The following L2HGDH variants were observed in gnomAD, a reference collection of about 807,000 sequenced individuals.
L2HGDH encodes L-2-hydroxyglutarate dehydrogenase, mitochondrial.
In L2HGDH, 34 loss-of-function variants were observed where a neutral mutation model predicts 51.5. That is an observed-to-expected ratio of 0.66 (90% CI 0.50 to 0.88). The LOEUF is 0.88. Ranked by LOEUF, L2HGDH falls within the 40% of genes least tolerant of loss-of-function variation. The pLI, the probability that L2HGDH is intolerant of heterozygous loss-of-function variation, is 0.00. For synonymous variants in L2HGDH, 198 were observed against 197.9 expected (o/e 1.00, Z -0.01); for missense variants, 558 against 571.9 (o/e 0.98, Z 0.25).
At chr14:50,267,188 T>TTC (rs1566512218) in intron 8 of L2HGDH, among the ~76,000 whole-genome samples, 2 of 132,098 alleles carry the variant, frequency 1.5e-5, no homozygotes, top group Middle Eastern at 3.8e-3. Context: ...TTTATTTATT[T>TTC]ATTCATTTTT....
chr14:50,255,746 A>T (rs1352116861), intron 9 of L2HGDH, among the ~76,000 whole-genome samples: 1 of 151,896 alleles, frequency 6.6e-6, no homozygotes, highest in Non-Finnish European at 1.5e-5. Context: ...TTTATTTTTA[A>T]ATATATCCTG....
In L2HGDH at chr14:50,292,004, T is replaced by C. The variant is rs142754632; in HGVS notation, c.540+2111A>G. On this transcript the variant is annotated intron_variant, in intron 4 of 9. Transcript: ENST00000267436. ...GTCAGAAATCAATTATATTTCCACA[T>C]ACCTGCAACAAACAAATAAAAAGTG... Among the ~76,000 whole-genome samples the C allele has an allele frequency of 3.4e-4, 52 of 152,314 alleles. No individual in the cohort carries two copies. The East Asian group carries it at 5.8e-3, about 17-fold the overall frequency.
chr14:50,264,557 G>C (rs549213534), intron 9 of L2HGDH, among the ~76,000 whole-genome samples: 1 of 152,162 alleles, frequency 6.6e-6, no homozygotes, highest in Admixed American at 6.5e-5. Context: ...GAGATGCCAG[G>C]TCTAGGAGTG....
intron 6 of L2HGDH, among the ~76,000 whole-genome samples, chr14:50,276,470 C>T (rs1454166625): frequency 6.6e-6 from 1 of 151,620 alleles, no homozygotes; most frequent in Non-Finnish European, 1.5e-5. Context: ...GTGCCCCCCC[C>T]ACCCCAATTC....
chr14:50,302,591 G>A (rs1341951277), intron 2 of L2HGDH, among the ~76,000 whole-genome samples: 1 of 152,152 alleles, frequency 6.6e-6, no homozygotes, highest in Admixed American at 6.6e-5. Flanking sequence ...AGGCTCCGGT[G>A]GAATCAAGCT....
intron 6 of L2HGDH, among the ~76,000 whole-genome samples, chr14:50,276,760 T>TTA (rs1424427130): frequency 6.6e-6 from 1 of 152,208 alleles, no homozygotes; most frequent in African/African-American, 2.4e-5. Flanking sequence ...TGTGGGCTTT[T>TTA]TAGGCCACCC....
chr14:50,306,921 T>C (rs1392978669), intron 1 of L2HGDH, among the ~76,000 whole-genome samples: 2 of 152,136 alleles, frequency 1.3e-5, no homozygotes, highest in African/African-American at 4.8e-5. Context: ...GTTCAAGTGA[T>C]TCTCCTGCCT....
chr14:50,265,567 C>CT, intron 8 of L2HGDH, 78 bp from the exon 9 acceptor site: 1 of 1,267,790 alleles, frequency 7.9e-7, no homozygotes, highest in Non-Finnish European at 1.1e-6. Context: ...TTATTAGATT[C>CT]TTTTTTTATG....
Position 50,244,952 on chromosome 14 carries a change from C to T in L2HGDH, c.*2106G>A. 1 of 985,508 alleles carries T rather than the reference C, an allele frequency of 1.0e-6. No individual in the cohort carries two copies. 61.0% of individuals were successfully genotyped at this position (985,508 alleles called of 1,614,324 possible). ...GGTTCAGTACTCAAAGTTCTGCAGT[C>T]AGGTCGCCACATTTTCATTTACAAT... On this transcript the variant is annotated 3_prime_UTR_variant, in exon 10 of 10. Coordinates refer to ENST00000267436, the MANE Select transcript of L2HGDH (RefSeq NM_024884.3).
At chr14:50,274,984 A>C in intron 6 of L2HGDH, among the ~76,000 whole-genome samples, 2 of 151,616 alleles carry the variant, frequency 1.3e-5, no homozygotes, top group African/African-American at 2.4e-5. Context: ...GTGGGCAGGA[A>C]TGGGATGATA....
intron 9 of L2HGDH, among the ~76,000 whole-genome samples, chr14:50,258,138 T>C (rs1302958347): frequency 6.6e-6 from 1 of 151,632 alleles, no homozygotes; most frequent in Non-Finnish European, 1.5e-5. Context: ...GTATGTATTA[T>C]CCAGTTGCAA....
chr14:50,286,267 T>C (rs1595118354), intron 4 of L2HGDH, among the ~76,000 whole-genome samples: 2 of 152,054 alleles, frequency 1.3e-5, no homozygotes, highest in African/African-American at 2.4e-5. Flanking sequence ...GCAGTGAGGA[T>C]TTGCCCAGAG....
Position 50,242,590 on chromosome 14 carries a change from C to T in L2HGDH, c.*4468G>A, listed in dbSNP as rs1201361213. On this transcript the variant is annotated 3_prime_UTR_variant, in exon 10 of 10. Coordinates refer to ENST00000267436, the MANE Select transcript of L2HGDH (RefSeq NM_024884.3). ...ATCAACACTGTTCTTCCCTTCAGGG[C>T]TTCAGGGTTTATTTCCATTCTTAAG... is the stretch of plus-strand genomic sequence containing the variant. The T allele has an allele frequency of 3.0e-6, 3 of 984,734 alleles. No individual in the cohort carries two copies. The African/African-American group carries it at 5.2e-5, about 17-fold the overall frequency. 61.0% of individuals were successfully genotyped at this position (984,734 alleles called of 1,614,324 possible).
chr14:50,292,884 C>CA (rs111974155), intron 4 of L2HGDH, among the ~76,000 whole-genome samples: 5,264 of 131,406 alleles, frequency 0.04, 271 homozygotes, highest in African/African-American at 0.13. Context: ...GACTGCATCT[C>CA]AAAAAAAAAA....
chr14:50,266,201 C>T (rs888422248), intron 8 of L2HGDH, among the ~76,000 whole-genome samples: 15 of 151,314 alleles, frequency 9.9e-5, no homozygotes, highest in African/African-American at 3.1e-4. Context: ...CCAAGGAGTG[C>T]TGGTTTCAAA....
rs2139977262 is a variant in L2HGDH, at chr14:50,267,801, C to A, written c.1016G>T (p.Arg339Ile). ...ATCTGTGGCACTGAAGTCAAAGGGT[C>A]TGTAACCCTCTCGTTTAAAGGCAAG... is the stretch of plus-strand genomic sequence containing the variant. Reference protein sequence around the residue: ...AVLAFKREGYRPFDFSATDVM... With the variant: ...AVLAFKREGYIPFDFSATDVM... The change falls in exon 8 of 10, where the codon AGA (arginine) becomes ATA (isoleucine). Residue 339 changes from arginine (R) to isoleucine (I), a missense_variant. Around this residue, in one of 3 missense-constraint regions of L2HGDH, gnomAD observed 321 missense variants for 311.8 expected, o/e 1.03. Transcript: ENST00000267436. 6 of 1,613,238 alleles carry A rather than the reference C, an allele frequency of 3.7e-6. No homozygotes were observed. The highest frequency in any genetic ancestry group is 5.1e-6 in the Non-Finnish European group (6 of 1,179,168).
intron 6 of L2HGDH, among the ~76,000 whole-genome samples, chr14:50,277,948 A>G (rs1890065496): frequency 6.6e-6 from 1 of 152,106 alleles, no homozygotes; most frequent in Non-Finnish European, 1.5e-5. Flanking sequence ...CTGTTTCCCA[A>G]TTACTGATCC....
chr14:50,307,786 G>C (rs73277336), intron 1 of L2HGDH, among the ~76,000 whole-genome samples: 1,574 of 151,748 alleles, frequency 0.01, 22 homozygotes, highest in South Asian at 0.034. Context: ...TTTCTAAAAG[G>C]CATCTCTAAA....
At chr14:50,304,547 AAATTAGGGCC>A (rs1566541129) in intron 1 of L2HGDH, among the ~76,000 whole-genome samples, 1 of 152,208 alleles carries the variant, frequency 6.6e-6, no homozygotes, top group Non-Finnish European at 1.5e-5. Context: ...ACCATTTACA[AAATTAGGGCC>A]GGGCGTGGTG....
Sources: gnomAD v4.1 joint callset for allele counts (sites outside exome capture counted in the v4.1 genomes callset) on GRCh38, gnomAD v4.1.1 for gene constraint, gnomAD v4.1.1 regional missense constraint, MANE v1.5 for transcripts, NCBI Gene and HGNC (gene_info 2026-07-23, HGNC 2026-07-21) for gene names.